Variants in CX3CL1 observed in about 807,000 individuals in gnomAD.
CX3CL1 encodes C-X3-C motif chemokine ligand 1, also known as fractalkine.
A neutral mutation model predicts 14.1 loss-of-function variants in CX3CL1; 1 was observed. That is an observed-to-expected ratio of 0.07 (90% CI 0.03 to 0.34). The LOEUF is 0.34. Ranked by LOEUF, CX3CL1 falls within the 10% of genes least tolerant of loss-of-function variation. The probability of loss-of-function intolerance (pLI) is 0.99; values close to 1 mark genes in which losing one functional copy is unlikely to be tolerated. For synonymous variants in CX3CL1, 255 were observed against 229.6 expected (o/e 1.11, Z -1.00); for missense variants, 505 against 536.4 (o/e 0.94, Z 0.58).
Position 57,382,351 on chromosome 16 carries a change from G to A in CX3CL1, c.513G>A (p.Pro171=), listed in dbSNP as rs781770721. Reference sequence around the variant, plus strand: ...GTTCCTCAGGGACCAGGCTCCCCCCGACGCCAAAGGCTCAGGATGGAGGGC... The same window carrying A: ...GTTCCTCAGGGACCAGGCTCCCCCCAACGCCAAAGGCTCAGGATGGAGGGC... ...VTGSSGTRLP[P]TPKAQDGGPV... is the part of the protein sequence containing the mutation. The change falls in exon 3 of 3, where the codon CCG becomes CCA. Residue 171 remains proline, a synonymous_variant. Transcript: ENST00000006053. This position sits in a 1 kb window ranked among gnomAD's most constrained non-coding sequence, Gnocchi z 6.9. 1.6e-5 allele frequency: 25 copies of A among 1,608,688 alleles called. No homozygotes were observed. Among genetic ancestry groups the A allele is most frequent in the Admixed American group, 6.7e-5 (4 of 59,742 alleles).
At chr16:57,376,472 ATG>A (rs1902247275) in intron 1 of CX3CL1, among the ~76,000 whole-genome samples, 1 of 151,508 alleles carries the variant, frequency 6.6e-6, no homozygotes, top group Non-Finnish European at 1.5e-5. Flanking sequence ...GGATGGATGG[ATG>A]GATGGATGGA....
rs1902192687 is a variant in CX3CL1, at chr16:57,372,581, T to C, written c.13T>C (p.Ser5Pro). 6.2e-7 allele frequency: 1 copy of C among 1,613,014 alleles called. No homozygotes were observed. The highest frequency in any genetic ancestry group is 1.3e-5 in the African/African-American group (1 of 75,028). MAPI[S>P]LSWLLRLATF... is the part of the protein sequence containing the mutation. ...CCCACCCTCAGCCATGGCTCCGATA[T>C]CTCTGTCGTGGCTGCTCCGCTTGGC... The change falls in exon 1 of 3, where the codon TCT (serine) becomes CCT (proline). Residue 5 changes from serine to proline, a missense_variant. By Grantham distance (74) the Ser-to-Pro change is moderately conservative (BLOSUM62 -1). Transcript: ENST00000006053.
Position 57,382,979 on chromosome 16 carries a change from C to T in CX3CL1, c.1141C>T (p.Arg381Cys), listed in dbSNP as rs371635469. Residue 381 changes from arginine (R) to cysteine (C), a missense_variant, in exon 3 of 3, where the codon CGC (arginine) becomes TGC (cysteine). Arg to Cys is a radical substitution (Grantham distance 180). Coordinates refer to ENST00000006053, the MANE Select transcript of CX3CL1 (RefSeq NM_002996.6). The surrounding 1 kb of genome is among the most constrained non-coding windows in gnomAD (Gnocchi z 6.9). Reference sequence around the variant, plus strand: ...GGCAGGAGAGATGGCGGAGGGCCTTCGCTACATCCCCCGGAGCTGTGGTAG... The same window carrying T: ...GGCAGGAGAGATGGCGGAGGGCCTTTGCTACATCCCCCGGAGCTGTGGTAG... ...KMAGEMAEGLRYIPRSCGSNS... is the reference protein window; with the variant it reads ...KMAGEMAEGLCYIPRSCGSNS... 15 of 1,505,272 alleles carry T rather than the reference C, an allele frequency of 1.0e-5. No individual in the cohort carries two copies. Among genetic ancestry groups the T allele is most frequent in the South Asian group, 5.4e-5 (4 of 73,654 alleles). 93.2% of individuals were successfully genotyped at this position (1,505,272 alleles called of 1,614,324 possible).
chr16:57,381,386 C>T (rs1012622952), intron 2 of CX3CL1, among the ~76,000 whole-genome samples: 4 of 152,120 alleles, frequency 2.6e-5, no homozygotes, highest in Non-Finnish European at 4.4e-5. Context: ...ACATATTTGG[C>T]TCTAGCCCCT....
At chr16:57,379,890 C>A in intron 2 of CX3CL1, 136 bp downstream of exon 2, 2 of 1,043,434 alleles carry the variant, frequency 1.9e-6, no homozygotes, top group South Asian at 3.1e-5. Flanking sequence ...GCTTCTCTTG[C>A]CCCTGGCCTG....
At chr16:57,380,922 C>A (rs1902311146) in intron 2 of CX3CL1, among the ~76,000 whole-genome samples, 1 of 152,170 alleles carries the variant, frequency 6.6e-6, no homozygotes, top group African/African-American at 2.4e-5. Context: ...CTCAATTATG[C>A]AGTTTCTAAG....
intron 1 of CX3CL1, among the ~76,000 whole-genome samples, chr16:57,374,510 G>A (rs1022510670): frequency 2.0e-5 from 3 of 152,172 alleles, no homozygotes; most frequent in Non-Finnish European, 4.4e-5. Context: ...TTAGCAGTGG[G>A]GGTGGATGGG....
rs566913783 is a variant in CX3CL1, at chr16:57,384,877, G to C, written c.*1845G>C. ...TGTGAGGAAGCCGCTGGGGCCAGTT[G>C]GTCCCCCTTCCATGGACTTTGTTAG... On this transcript the variant is annotated 3_prime_UTR_variant, in exon 3 of 3. Transcript: ENST00000006053. The C allele has an allele frequency of 9.8e-4, 150 of 152,346 alleles. No homozygotes were observed. The highest frequency in any genetic ancestry group is 3.5e-3 in the African/African-American group (147 of 41,576). The allele number at this position is 152,346 out of a possible 1,614,324, so 9.4% of individuals were successfully genotyped here.
At chr16:57,381,502 G>A (rs1286203242) in intron 2 of CX3CL1, among the ~76,000 whole-genome samples, 1 of 152,096 alleles carries the variant, frequency 6.6e-6, no homozygotes, top group Non-Finnish European at 1.5e-5. Flanking sequence ...GTCTCATAAG[G>A]CCTGTTCCAG....
In CX3CL1 at chr16:57,382,933, C is replaced by T; in HGVS notation, c.1095C>T (p.Leu365=). 1 of 1,529,928 alleles carries T rather than the reference C, an allele frequency of 6.5e-7. No homozygotes were observed. The highest frequency in any genetic ancestry group is 2.3e-5 in the East Asian group (1 of 43,892). The allele number at this position is 1,529,928 out of a possible 1,614,324, so 94.8% of individuals were successfully genotyped here. A position where few individuals can be genotyped will look rare whatever the true frequency, so the allele number is the denominator to read the frequency against. The part of the protein sequence containing the change: ...LGVAMFTYQS[L]QGCPRKMAGE... Reference sequence around the variant, plus strand: ...TGGCCATGTTCACCTACCAGAGCCTCCAGGGCTGCCCTCGAAAGATGGCAG... The same window carrying T: ...TGGCCATGTTCACCTACCAGAGCCTTCAGGGCTGCCCTCGAAAGATGGCAG... The change falls in exon 3 of 3, where the codon CTC becomes CTT. Residue 365 remains leucine, a synonymous_variant. Transcript: ENST00000006053. The surrounding 1 kb of genome is among the most constrained non-coding windows in gnomAD (Gnocchi z 6.9).
chr16:57,379,677 G>T lies in CX3CL1; in HGVS notation c.114G>T (p.Lys38Asn). ...CGAAATGCAACATCACGTGCAGCAAGATGACATCAAAGATACCTGTAGCTT... is the reference window on the plus strand; with the variant it reads ...CGAAATGCAACATCACGTGCAGCAATATGACATCAAAGATACCTGTAGCTT... ...GVTKCNITCSKMTSKIPVALL... is the reference protein window; with the variant it reads ...GVTKCNITCSNMTSKIPVALL... Residue 38 changes from lysine (K) to asparagine (N), a missense_variant, in exon 2 of 3, where the codon AAG (lysine) becomes AAT (asparagine). Physicochemically the swap from Lys to Asn is moderately conservative, Grantham distance 94. Coordinates refer to ENST00000006053, the MANE Select transcript of CX3CL1 (RefSeq NM_002996.6). The T allele has an allele frequency of 6.2e-7, 1 of 1,614,238 alleles. No homozygotes were observed. The highest frequency in any genetic ancestry group is 8.5e-7 in the Non-Finnish European group (1 of 1,180,034).
chr16:57,372,491 A>G lies in CX3CL1; in HGVS notation c.-78A>G, dbSNP rs555243239. The stretch of plus-strand genomic sequence containing the variant: ...AAGCCACAGATCTCTGGCGGCGGCA[A>G]GGGGACAGCACTGAGCTCTGCCGCC... On this transcript the variant is annotated 5_prime_UTR_variant, in exon 1 of 3. Coordinates refer to ENST00000006053, the MANE Select transcript of CX3CL1 (RefSeq NM_002996.6). 58 of 1,338,670 alleles carry G rather than the reference A, an allele frequency of 4.3e-5. No individual in the cohort carries two copies. Among genetic ancestry groups the G allele is most frequent in the Non-Finnish European group, 6.0e-5 (57 of 957,392 alleles). The allele number at this position is 1,338,670 out of a possible 1,614,324, so 82.9% of individuals were successfully genotyped here.
In CX3CL1 at chr16:57,372,589, G is replaced by A. The variant is rs141505173; in HGVS notation, c.21G>A (p.Ser7=). 3.9e-4 allele frequency: 636 copies of A among 1,613,248 alleles called. 3 individuals carry two copies. The African/African-American group carries it at 6.4e-3, about 16-fold the overall frequency. The change falls in exon 1 of 3, where the codon TCG becomes TCA. Residue 7 remains serine, a synonymous_variant. Coordinates refer to ENST00000006053, the MANE Select transcript of CX3CL1 (RefSeq NM_002996.6). ...CAGCCATGGCTCCGATATCTCTGTC[G>A]TGGCTGCTCCGCTTGGCCACCTTCT... is the stretch of plus-strand genomic sequence containing the variant. MAPISL[S]WLLRLATFCH...
Position 57,382,771 on chromosome 16 carries a change from T to C in CX3CL1, c.933T>C (p.Ala311=). ...CTTCAGGCAGCTGGACCCCTAAGGC[T>C]GAGGAACCCATCCATGCCACCATGG... ...PVASGSWTPK[A]EEPIHATMDP... is the part of the protein sequence containing the mutation. Residue 311 remains alanine, a synonymous_variant, in exon 3 of 3, where the codon GCT becomes GCC. Coordinates refer to ENST00000006053, the MANE Select transcript of CX3CL1 (RefSeq NM_002996.6). This position sits in a 1 kb window ranked among gnomAD's most constrained non-coding sequence, Gnocchi z 6.9. 1 of 1,610,266 alleles carries C rather than the reference T, an allele frequency of 6.2e-7. No homozygotes were observed.
intron 1 of CX3CL1, among the ~76,000 whole-genome samples, chr16:57,374,620 C>T (rs1226589427): frequency 6.6e-6 from 1 of 152,150 alleles, no homozygotes; most frequent in Non-Finnish European, 1.5e-5. Flanking sequence ...TATTATGCCA[C>T]AAAGCGCTTC....
rs1157140323 is a variant in CX3CL1, at chr16:57,382,425, C to T, written c.587C>T (p.Thr196Met). 3.1e-6 allele frequency: 5 copies of T among 1,612,752 alleles called. No individual in the cohort carries two copies. Among genetic ancestry groups the T allele is most frequent in the East Asian group, 2.2e-5 (1 of 44,888 alleles). The change falls in exon 3 of 3, where the codon ACG becomes ATG. Residue 196 changes from threonine (T) to methionine (M), a missense_variant. Thr to Met is a moderately conservative substitution (Grantham distance 81). Coordinates refer to ENST00000006053, the MANE Select transcript of CX3CL1 (RefSeq NM_002996.6). This position sits in a 1 kb window ranked among gnomAD's most constrained non-coding sequence, Gnocchi z 6.9. ...GTGCCTCCCGTCTCCACTGCCGCCACGTGGCAGAGTTCTGCTCCCCACCAA... is the reference window on the plus strand; with the variant it reads ...GTGCCTCCCGTCTCCACTGCCGCCATGTGGCAGAGTTCTGCTCCCCACCAA... Reference protein sequence around the residue: ...FRVPPVSTAATWQSSAPHQPG... With the variant: ...FRVPPVSTAAMWQSSAPHQPG...
chr16:57,376,440 G>GTGGATGGA (rs56202816), intron 1 of CX3CL1, among the ~76,000 whole-genome samples: 7,623 of 145,156 alleles, frequency 0.053, 221 homozygotes, highest in Middle Eastern at 0.092. Flanking sequence ...GAATCAGGAA[G>GTGGATGGA]TGGATGGATG....
At position 57,383,671 on chromosome 16, in the gene CX3CL1, A is replaced by G. The variant is rs1902368955; in HGVS notation, c.*639A>G. The G allele has an allele frequency of 6.5e-6, 1 of 152,890 alleles. No homozygotes were observed. Among genetic ancestry groups the G allele is most frequent in the South Asian group, 2.1e-4 (1 of 4,830 alleles). The allele number at this position is 152,890 out of a possible 1,614,324, so 9.5% of individuals were successfully genotyped here. A position where few individuals can be genotyped will look rare whatever the true frequency, so the allele number is the denominator to read the frequency against. The stretch of plus-strand genomic sequence containing the variant: ...ATCTGGTGACTTTCCTCTTTGGTCT[A>G]CACTGTGCTGAGTCTGAAGGCTGGG... On this transcript the variant is annotated 3_prime_UTR_variant, in exon 3 of 3. Coordinates refer to ENST00000006053, the MANE Select transcript of CX3CL1 (RefSeq NM_002996.6).
chr16:57,383,092 C>T lies in CX3CL1; in HGVS notation c.*60C>T, dbSNP rs1169299040. On this transcript the variant is annotated 3_prime_UTR_variant, in exon 3 of 3. Transcript: ENST00000006053. ...ACAGCTGCCTGGGATCCCTCATCCT[C>T]ATACCCACCCCCACCCAAGGGCCTG... The T allele has an allele frequency of 3.7e-6, 5 of 1,341,052 alleles. No homozygotes were observed. The highest frequency in any genetic ancestry group is 4.8e-6 in the Non-Finnish European group (5 of 1,033,300). The allele number at this position is 1,341,052 out of a possible 1,614,324, so 83.1% of individuals were successfully genotyped here. A position where few individuals can be genotyped will look rare whatever the true frequency, so the allele number is the denominator to read the frequency against.
Sources: gnomAD v4.1 joint callset for allele counts (sites outside exome capture counted in the v4.1 genomes callset) on GRCh38, gnomAD v4.1.1 for gene constraint, Gnocchi (gnomAD v3.1) non-coding constraint, MANE v1.5 for transcripts, NCBI Gene and HGNC (gene_info 2026-07-23, HGNC 2026-07-21) for gene names.